The following KLHL29 variants were observed in gnomAD, a reference collection of about 807,000 sequenced individuals.
KLHL29 encodes kelch-like protein 29.
A neutral mutation model predicts 80.4 loss-of-function variants in KLHL29; 21 were observed. The observed-to-expected ratio is 0.26, with a 90% confidence interval of 0.19 to 0.38. KLHL29 has a LOEUF of 0.38. Ranked by LOEUF, KLHL29 falls within the 10% of genes least tolerant of loss-of-function variation. The pLI, the probability that KLHL29 is intolerant of heterozygous loss-of-function variation, is 1.00. For missense variants in KLHL29, 867 were observed against 1,223.9 expected (o/e 0.71, Z 4.35); for synonymous variants, 511 against 526.8 (o/e 0.97, Z 0.41).
intron 1 of KLHL29, among the ~76,000 whole-genome samples, chr2:23,391,973 C>G (rs1666332424): frequency 6.6e-6 from 1 of 152,224 alleles, no homozygotes; most frequent in Admixed American, 6.5e-5. Flanking sequence ...GGCTTCCTGT[C>G]CACGTTGAAG....
At chr2:23,592,146 A>G (rs1377119572) in intron 3 of KLHL29, among the ~76,000 whole-genome samples, 1 of 152,254 alleles carries the variant, frequency 6.6e-6, no homozygotes, top group Non-Finnish European at 1.5e-5. Context: ...GGAGGGGCCC[A>G]TCCTCATCAG....
At position 23,684,859 on chromosome 2, in the gene KLHL29, T is replaced by C. The variant is rs552440061; in HGVS notation, c.1079+322T>C. Among the ~76,000 whole-genome samples, 3 of 152,034 alleles carry C rather than the reference T, an allele frequency of 2.0e-5. No homozygotes were observed. The highest frequency in any genetic ancestry group is 7.2e-5 in the African/African-American group (3 of 41,486). ...TTCTCAGTGGCTCACAAGCTGTCCC[T>C]GAGATTAGGGGGGACTGTAGGCTCC... On this transcript the variant is annotated intron_variant, in intron 6 of 13. Transcript: ENST00000486442. The surrounding 1 kb of genome is among the most constrained non-coding windows in gnomAD (Gnocchi z 4.4).
chr2:23,397,596 G>A (rs141175432), intron 1 of KLHL29, among the ~76,000 whole-genome samples: 2 of 152,354 alleles, frequency 1.3e-5, no homozygotes, highest in Non-Finnish European at 2.9e-5. Context: ...AAAATGGGAG[G>A]CAGTTGCCCA....
chr2:23,510,399 G>A (rs1391996043), intron 2 of KLHL29, among the ~76,000 whole-genome samples: 1 of 152,152 alleles, frequency 6.6e-6, no homozygotes, highest in African/African-American at 2.4e-5. Flanking sequence ...CCAGTTGTGA[G>A]CACCTGACCC....
At chr2:23,561,739 C>T (rs1336357439) in intron 2 of KLHL29, among the ~76,000 whole-genome samples, 3 of 152,022 alleles carry the variant, frequency 2.0e-5, no homozygotes, top group East Asian at 1.9e-4. Context: ...AGTCTGCACA[C>T]GTGGGTGGCC....
chr2:23,467,862 G>A (rs1278407403), intron 1 of KLHL29, among the ~76,000 whole-genome samples: 1 of 151,996 alleles, frequency 6.6e-6, no homozygotes, highest in African/African-American at 2.4e-5. Flanking sequence ...CACGTGATCA[G>A]CCCGTTGGTT....
rs1430707694 is a variant in KLHL29 at position 23,680,679 on chromosome 2, G to A, written c.941-3720G>A. Among the ~76,000 whole-genome samples, 3 of 151,080 alleles carry A rather than the reference G, an allele frequency of 2.0e-5. No individual in the cohort carries two copies. Among genetic ancestry groups the A allele is most frequent in the Admixed American group, 1.3e-4 (2 of 15,190 alleles). On this transcript the variant is annotated intron_variant, in intron 5 of 13. Coordinates refer to ENST00000486442, the MANE Select transcript of KLHL29 (RefSeq NM_052920.2). The surrounding 1 kb of genome is among the most constrained non-coding windows in gnomAD (Gnocchi z 4.1). ...GGCCATCTTCTCCTGGGCTCTCTAG[G>A]CCATCTTCCCCTGGGGTCTCTAGGC...
intron 2 of KLHL29, among the ~76,000 whole-genome samples, chr2:23,498,214 A>T (rs908006603): frequency 1.3e-5 from 2 of 152,178 alleles, no homozygotes; most frequent in African/African-American, 4.8e-5. Flanking sequence ...TTTGTTTTGG[A>T]TGTAGAACTC....
intron 5 of KLHL29, chr2:23,668,629 C>T (rs747323997): frequency 1.3e-5 from 2 of 152,150 alleles, no homozygotes; most frequent in Non-Finnish European, 2.9e-5. Context: ...TGGTGGCAGC[C>T]GAGGTGGCCA....
chr2:23,534,634 C>G (rs535052111), intron 2 of KLHL29, among the ~76,000 whole-genome samples: 20 of 152,270 alleles, frequency 1.3e-4, no homozygotes, highest in African/African-American at 4.8e-4. Context: ...CTGAGCTGCC[C>G]CTTTCCTGCC....
In KLHL29 at chr2:23,559,655, C is replaced by T. The variant is rs537329275; in HGVS notation, c.-45-2497C>T. Among the ~76,000 whole-genome samples the T allele has an allele frequency of 1.2e-4, 18 of 152,088 alleles. No homozygotes were observed. In the East Asian group the frequency reaches 1.7e-3, roughly 15 times the overall value. On this transcript the variant is annotated intron_variant, in intron 2 of 13. Transcript: ENST00000486442. ...TGGGTGTTTGGGCGAAGGAACATTG[C>T]GCTAATTTAGCAACTTTGGGCGTTT...
intron 1 of KLHL29, among the ~76,000 whole-genome samples, chr2:23,428,048 T>C (rs1026118231): frequency 6.6e-6 from 1 of 152,222 alleles, no homozygotes. Context: ...ACTCATTTCT[T>C]GATTGGTGTC....
At chr2:23,583,532 G>A (rs1668039015) in intron 3 of KLHL29, among the ~76,000 whole-genome samples, 1 of 152,236 alleles carries the variant, frequency 6.6e-6, no homozygotes, top group African/African-American at 2.4e-5. Context: ...ATTAAAGCGA[G>A]AAGCTCTAGT....
chr2:23,521,803 T>G (rs1039677947), intron 2 of KLHL29, among the ~76,000 whole-genome samples: 6 of 152,210 alleles, frequency 3.9e-5, no homozygotes. Context: ...AAGCCCACAC[T>G]CTTAAGCAGT....
intron 2 of KLHL29, among the ~76,000 whole-genome samples, chr2:23,540,176 C>T (rs1666790683): frequency 1.3e-5 from 2 of 152,220 alleles, no homozygotes; most frequent in African/African-American, 2.4e-5. Flanking sequence ...AATCCCGCCC[C>T]CTGGTACCTG....
At chr2:23,450,207 G>A (rs374596230) in intron 1 of KLHL29, among the ~76,000 whole-genome samples, 1 of 151,980 alleles carries the variant, frequency 6.6e-6, no homozygotes, top group Non-Finnish European at 1.5e-5. Flanking sequence ...CTTTCATCTC[G>A]CCTCTCGGTG....
intron 3 of KLHL29, among the ~76,000 whole-genome samples, chr2:23,598,722 C>T (rs1279068921): frequency 6.6e-6 from 1 of 152,240 alleles, no homozygotes; most frequent in Non-Finnish European, 1.5e-5. Flanking sequence ...GGCCAAGGCT[C>T]CCTGTGTTTT....
chr2:23,617,833 C>T (rs532718066), intron 3 of KLHL29: 1 of 152,324 alleles, frequency 6.6e-6, no homozygotes, highest in Non-Finnish European at 1.5e-5. Context: ...TTGAAACCAC[C>T]AGTGGAACAT....
intron 2 of KLHL29, among the ~76,000 whole-genome samples, chr2:23,486,801 C>T (rs1401799601): frequency 6.6e-6 from 1 of 152,182 alleles, no homozygotes; most frequent in African/African-American, 2.4e-5. Flanking sequence ...CCTGCTCAGG[C>T]CACACCTCCT....
Sources: gnomAD v4.1 joint callset for allele counts (sites outside exome capture counted in the v4.1 genomes callset) on GRCh38, gnomAD v4.1.1 for gene constraint, Gnocchi (gnomAD v3.1) non-coding constraint, MANE v1.5 for transcripts, NCBI Gene and HGNC (gene_info 2026-07-23, HGNC 2026-07-21) for gene names.